IRS2: variants seen among roughly 807,000 people sequenced by gnomAD.
IRS2 encodes insulin receptor substrate 2.
IRS2 carries 28 observed loss-of-function variants against 70.9 expected under a neutral mutation model. The ratio of observed to expected loss-of-function variants is 0.39; its 90% CI spans 0.29 to 0.54. The LOEUF is 0.54. IRS2 is among the 20% of genes least tolerant of loss of function. The probability of loss-of-function intolerance (pLI) is 0.59; values close to 1 mark genes in which losing one functional copy is unlikely to be tolerated. For missense variants in IRS2, 2,081 were observed against 2,024.1 expected (o/e 1.03, Z -0.54); for synonymous variants, 1,217 against 981.9 (o/e 1.24, Z -4.48).
chr13:109,782,542 C>T lies in IRS2; in HGVS notation c.3512G>A (p.Arg1171His), dbSNP rs1021457672. The T allele has an allele frequency of 1.3e-6, 2 of 1,559,686 alleles. No homozygotes were observed. Among genetic ancestry groups the T allele is most frequent in the African/African-American group, 1.4e-5 (1 of 73,798 alleles). ...VSPSFAHNPKRHNSASVENVS... is the reference protein window; with the variant it reads ...VSPSFAHNPKHHNSASVENVS... ...ATTTTCCACGGAGGCCGAGTTGTGG[C>T]GCTTGGGGTTGTGGGCGAAGGACGG... Residue 1171 changes from arginine (R) to histidine (H), a missense_variant, in exon 1 of 2, where the codon CGC (arginine) becomes CAC (histidine). By Grantham distance (29) the Arg-to-His change is conservative (BLOSUM62 0). This residue lies in a region of IRS2 where 1,615 missense variants were observed against 1,459.5 expected (regional missense o/e 1.11). Coordinates refer to ENST00000375856, the MANE Select transcript of IRS2 (RefSeq NM_003749.3).
chr13:109,773,404 A>G (rs533017998), intron 1 of IRS2, among the ~76,000 whole-genome samples: 10 of 152,312 alleles, frequency 6.6e-5, no homozygotes, highest in African/African-American at 2.4e-4. Context: ...GGAATATATG[A>G]TATTTCACTT....
At position 109,784,746 on chromosome 13, in the gene IRS2, C is replaced by T. The variant is rs1253097078; in HGVS notation, c.1308G>A (p.Ala436=). 13 of 1,232,332 alleles carry T rather than the reference C, an allele frequency of 1.1e-5. No homozygotes were observed. The highest frequency in any genetic ancestry group is 1.2e-5 in the Non-Finnish European group (12 of 988,004). The allele number at this position is 1,232,332 out of a possible 1,614,324, so 76.3% of individuals were successfully genotyped here. ...GGCTGGTGGCGGCGGGCGGCGAGTG[C>T]GCCACGGGCATGGACATGGAGCGGC... The part of the protein sequence containing the change: ...QHSRSMSMPV[A]HSPPAATSPG... The change falls in exon 1 of 2, where the codon GCG becomes GCA. Residue 436 remains alanine (A), a synonymous_variant. Transcript: ENST00000375856. This position sits in a 1 kb window ranked among gnomAD's most constrained non-coding sequence, Gnocchi z 5.2.
At chr13:109,769,073 C>T (rs1222544721) in intron 1 of IRS2, among the ~76,000 whole-genome samples, 2 of 152,198 alleles carry the variant, frequency 1.3e-5, no homozygotes, top group Non-Finnish European at 2.9e-5. Context: ...CCTGTAAGCA[C>T]GTCCCAGTAG....
Position 109,783,307 on chromosome 13 carries a change from G to T in IRS2, c.2747C>A (p.Pro916His). ...AAAGTCGATGTTGATGTACTCGCCGGGGCTCTTGGGCTCCGGTGGCAGTGG... is the reference window on the plus strand; with the variant it reads ...AAAGTCGATGTTGATGTACTCGCCGTGGCTCTTGGGCTCCGGTGGCAGTGG... ...EYPLPPEPKS[P>H]GEYINIDFGE... Residue 916 changes from proline to histidine, a missense_variant, in exon 1 of 2, where the codon CCC becomes CAC. Physicochemically the swap from Pro to His is moderately conservative, Grantham distance 77. Around this residue, in one of 4 missense-constraint regions of IRS2, gnomAD observed 1,615 missense variants for 1,459.5 expected, o/e 1.11. Transcript: ENST00000375856. The T allele has an allele frequency of 1.3e-6, 2 of 1,546,106 alleles. No individual in the cohort carries two copies. The highest frequency in any genetic ancestry group is 2.5e-5 in the East Asian group (1 of 39,764).
rs1877779322 is a variant in IRS2 at position 109,783,228 on chromosome 13, C to T, written c.2826G>A (p.Ala942=). The T allele has an allele frequency of 6.9e-7, 1 of 1,443,524 alleles. No homozygotes were observed. Among genetic ancestry groups the T allele is most frequent in the African/African-American group, 1.5e-5 (1 of 67,270 alleles). 89.4% of individuals were successfully genotyped at this position (1,443,524 alleles called of 1,614,324 possible). The change falls in exon 1 of 2, where the codon GCG becomes GCA. Residue 942 remains alanine, a synonymous_variant. Transcript: ENST00000375856. ...SPPAPPLLAS[A]ASSSSLLSAS... is the part of the protein sequence containing the mutation. ...CGGACAAGAGCGAGGAGGACGAGGCCGCCGACGCCAGCAGGGGAGGCGCGG... is the reference window on the plus strand; with the variant it reads ...CGGACAAGAGCGAGGAGGACGAGGCTGCCGACGCCAGCAGGGGAGGCGCGG...
At chr13:109,769,350 G>A (rs1877403165) in intron 1 of IRS2, among the ~76,000 whole-genome samples, 1 of 152,178 alleles carries the variant, frequency 6.6e-6, no homozygotes, top group African/African-American at 2.4e-5. Context: ...AGCACGGCTG[G>A]CCGGGCTCAA....
chr13:109,775,329 G>A (rs1042019032), intron 1 of IRS2, among the ~76,000 whole-genome samples: 14 of 151,946 alleles, frequency 9.2e-5, no homozygotes, highest in Non-Finnish European at 1.3e-4. Flanking sequence ...ATGTTGGCCA[G>A]GCTGGTCTTG....
intron 1 of IRS2, 96 bp from the exon 2 acceptor site, chr13:109,756,404 C>G: frequency 9.9e-7 from 1 of 1,007,436 alleles, no homozygotes; most frequent in Admixed American, 1.7e-5. Context: ...CAGCTAGGAC[C>G]TGGGTCATTT....
chr13:109,774,103 G>A (rs1299222488), intron 1 of IRS2, among the ~76,000 whole-genome samples: 2 of 151,820 alleles, frequency 1.3e-5, no homozygotes, highest in Non-Finnish European at 2.9e-5. Context: ...TTTTCGTATT[G>A]TCACCACCTG....
rs1877105440 is a variant in IRS2 at position 109,756,263 on chromosome 13, C to A, written c.*41G>T. On this transcript the variant is annotated 3_prime_UTR_variant, in exon 2 of 2. Transcript: ENST00000375856. ...CTGAGCGTCTTCTTTTAATGATACTCTCTGACATGTGACATCCTGGTGATA... is the reference window on the plus strand; with the variant it reads ...CTGAGCGTCTTCTTTTAATGATACTATCTGACATGTGACATCCTGGTGATA... 6.4e-7 allele frequency: 1 copy of A among 1,567,322 alleles called. No individual in the cohort carries two copies. The highest frequency in any genetic ancestry group is 1.4e-5 in the African/African-American group (1 of 73,894).
intron 1 of IRS2, among the ~76,000 whole-genome samples, chr13:109,773,214 T>A (rs114942409): frequency 0.024 from 3,620 of 152,208 alleles, 121 homozygotes; most frequent in African/African-American, 0.072. Flanking sequence ...CAAGGGCTGT[T>A]AAAAATAAAA....
chr13:109,758,177 A>AC, intron 1 of IRS2, among the ~76,000 whole-genome samples: 1 of 152,324 alleles, frequency 6.6e-6, no homozygotes, highest in East Asian at 1.9e-4. Flanking sequence ...CCTAAAAAAA[A>AC]ACAGGCATTT....
chr13:109,784,036 T>G lies in IRS2; in HGVS notation c.2018A>C (p.Asp673Ala), dbSNP rs2138934495. The change falls in exon 1 of 2, where the codon GAC (aspartate) becomes GCC (alanine). Residue 673 changes from aspartate (D) to alanine (A), a missense_variant. Coordinates refer to ENST00000375856, the MANE Select transcript of IRS2 (RefSeq NM_003749.3). This position sits in a 1 kb window ranked among gnomAD's most constrained non-coding sequence, Gnocchi z 5.2. Reference sequence around the variant, plus strand: ...GGCGGGGCTCATGGGCATGTAGTCGTCGCTCCTGCAGCTGCCGCTCCCACT... The same window carrying G: ...GGCGGGGCTCATGGGCATGTAGTCGGCGCTCCTGCAGCTGCCGCTCCCACT... ...AGSGSGSCRS[D>A]DYMPMSPASV... 1.3e-6 allele frequency: 2 copies of G among 1,541,852 alleles called. No homozygotes were observed. Among genetic ancestry groups the G allele is most frequent in the South Asian group, 2.4e-5 (2 of 84,590 alleles).
rs1202542999 is a variant in IRS2, at chr13:109,781,938, T to A, written c.4012+104A>T. 6.8e-6 allele frequency: 9 copies of A among 1,324,380 alleles called. No individual in the cohort carries two copies. The Middle Eastern group carries it at 1.0e-3, about 147-fold the overall frequency. 82.0% of individuals were successfully genotyped at this position (1,324,380 alleles called of 1,614,324 possible). A position where few individuals can be genotyped will look rare whatever the true frequency, so the allele number is the denominator to read the frequency against. On this transcript the variant is annotated intron_variant, in intron 1 of 1. Transcript: ENST00000375856. Reference sequence around the variant, plus strand: ...AGGAGCCAGTGCCAGGCTGTCGGCTTCTGGGTCAAGGTCCCCAAAAAGTGG... The same window carrying A: ...AGGAGCCAGTGCCAGGCTGTCGGCTACTGGGTCAAGGTCCCCAAAAAGTGG...
Position 109,783,742 on chromosome 13 carries a change from G to A in IRS2, c.2312C>T (p.Pro771Leu), listed in dbSNP as rs1877807573. ...LPNGDYLNVSPSDAVTTGTPP... is the reference protein window; with the variant it reads ...LPNGDYLNVSLSDAVTTGTPP... ...GGTGCCCGTGGTGACCGCGTCGCTG[G>A]GGGACACGTTGAGGTAGTCCCCGTT... Residue 771 changes from proline to leucine, a missense_variant, in exon 1 of 2, where the codon CCC becomes CTC. Physicochemically the swap from Pro to Leu is moderately conservative, Grantham distance 98. Around this residue, in one of 4 missense-constraint regions of IRS2, gnomAD observed 1,615 missense variants for 1,459.5 expected, o/e 1.11. Transcript: ENST00000375856. 5.7e-6 allele frequency: 9 copies of A among 1,587,654 alleles called. No individual in the cohort carries two copies. Among genetic ancestry groups the A allele is most frequent in the Non-Finnish European group, 7.7e-6 (9 of 1,167,212 alleles).
In IRS2 at chr13:109,786,024, G is replaced by A. The variant is rs771264370; in HGVS notation, c.30C>T (p.Pro10=). 2.9e-6 allele frequency: 4 copies of A among 1,367,602 alleles called. No individual in the cohort carries two copies. The highest frequency in any genetic ancestry group is 1.5e-5 in the African/African-American group (1 of 65,852). 84.7% of individuals were successfully genotyped at this position (1,367,602 alleles called of 1,614,324 possible). The change falls in exon 1 of 2, where the codon CCC becomes CCT. Residue 10 remains proline (P), a synonymous_variant. Coordinates refer to ENST00000375856, the MANE Select transcript of IRS2 (RefSeq NM_003749.3). This position sits in a 1 kb window ranked among gnomAD's most constrained non-coding sequence, Gnocchi z 4.4. ...TGGGGCCGTCTCCGCTCGCCGGCCC[G>A]GGCGGCCCGTGCCGCGGCGGGCTCG... The part of the protein sequence containing the change: MASPPRHGP[P]GPASGDGPNL...
At position 109,785,854 on chromosome 13, in the gene IRS2, G is replaced by A. The variant is rs1877905950; in HGVS notation, c.200C>T (p.Ala67Val). The A allele has an allele frequency of 1.3e-6, 2 of 1,518,430 alleles. No homozygotes were observed. The highest frequency in any genetic ancestry group is 1.2e-5 in the South Asian group (1 of 82,738). The allele number at this position is 1,518,430 out of a possible 1,614,324, so 94.1% of individuals were successfully genotyped here. Residue 67 changes from alanine to valine, a missense_variant, in exon 1 of 2, where the codon GCG (alanine) becomes GTG (valine). This residue lies in a region of IRS2 where 320 missense variants were observed against 352.9 expected (regional missense o/e 0.91). Coordinates refer to ENST00000375856, the MANE Select transcript of IRS2 (RefSeq NM_003749.3). The surrounding 1 kb of genome is among the most constrained non-coding windows in gnomAD (Gnocchi z 9.3). The part of the protein sequence containing the change: ...GDEATAGGGS[A>V]PQPPRLEYYE... ...GTACTCGAGCCGCGGCGGTTGCGGC[G>A]CCGACCCCCCGCCCGCCGTCGCCTC...
chr13:109,785,988 G>T lies in IRS2; in HGVS notation c.66C>A (p.Asn22Lys). 3.4e-6 allele frequency: 5 copies of T among 1,479,828 alleles called. No homozygotes were observed. The highest frequency in any genetic ancestry group is 4.5e-6 in the Non-Finnish European group (5 of 1,120,808). The allele number at this position is 1,479,828 out of a possible 1,614,324, so 91.7% of individuals were successfully genotyped here. A position where few individuals can be genotyped will look rare whatever the true frequency, so the allele number is the denominator to read the frequency against. ...CGCTGTGGTTGTTGTTGTTGTTGTTGTTGTTGAGGTTGGGGCCGTCTCCGC... is the reference window on the plus strand; with the variant it reads ...CGCTGTGGTTGTTGTTGTTGTTGTTTTTGTTGAGGTTGGGGCCGTCTCCGC... The part of the protein sequence containing the change: ...PASGDGPNLN[N>K]NNNNNNHSVR... Residue 22 changes from asparagine (N) to lysine (K), a missense_variant, in exon 1 of 2, where the codon AAC becomes AAA. By Grantham distance (94) the Asn-to-Lys change is moderately conservative (BLOSUM62 0). This residue lies in a region of IRS2 where 320 missense variants were observed against 352.9 expected (regional missense o/e 0.91). Transcript: ENST00000375856. The surrounding 1 kb of genome is among the most constrained non-coding windows in gnomAD (Gnocchi z 9.3).
chr13:109,757,578 C>G (rs1192992900), intron 1 of IRS2, among the ~76,000 whole-genome samples: 1 of 152,134 alleles, frequency 6.6e-6, no homozygotes, highest in Admixed American at 6.5e-5. Flanking sequence ...CCCCAAAAAC[C>G]CCAAAAGCTT....
Sources: gnomAD v4.1 joint callset for allele counts (sites outside exome capture counted in the v4.1 genomes callset) on GRCh38, gnomAD v4.1.1 for gene constraint, gnomAD v4.1.1 regional missense constraint, Gnocchi (gnomAD v3.1) non-coding constraint, MANE v1.5 for transcripts, NCBI Gene and HGNC (gene_info 2026-07-23, HGNC 2026-07-21) for gene names.